The following DAB1 variants were observed in gnomAD, a reference collection of about 807,000 sequenced individuals.
DAB1 encodes the protein DAB adaptor protein 1.
DAB1 carries 15 observed loss-of-function variants against 64.6 expected under a neutral mutation model. That is an observed-to-expected ratio of 0.23 (90% CI 0.16 to 0.36). The LOEUF is 0.36. Ranked by LOEUF, DAB1 falls within the 10% of genes least tolerant of loss-of-function variation. The pLI, the probability that DAB1 is intolerant of heterozygous loss-of-function variation, is 1.00. For synonymous variants in DAB1, 235 were observed against 251.9 expected, an observed-to-expected ratio of 0.93 and a Z score of 0.64; for missense variants, 596 against 706.7, an observed-to-expected ratio of 0.84 and a Z score of 1.78.
At chr1:57,627,895 A>T (rs1474565780) in intron 7 of DAB1, among the ~76,000 whole-genome samples, 2 of 151,054 alleles carry the variant, frequency 1.3e-5, no homozygotes, top group East Asian at 3.9e-4. Context: ...TCCTTCCAAG[A>T]TCCTTGGAGT....
intron 8 of DAB1, among the ~76,000 whole-genome samples, chr1:57,068,664 CA>C (rs1350964915): frequency 1.3e-5 from 2 of 152,124 alleles, no homozygotes; most frequent in Non-Finnish European, 1.5e-5. Flanking sequence ...TGCTATACGG[CA>C]GTTACACAGA....
At chr1:57,206,729 G>A (rs1365684275) in intron 2 of DAB1, among the ~76,000 whole-genome samples, 1 of 152,138 alleles carries the variant, frequency 6.6e-6, no homozygotes, top group Non-Finnish European at 1.5e-5. Flanking sequence ...CTAGAACTGA[G>A]TCCTAAGCAA....
chr1:57,273,521 G>T (rs1671179672), intron 2 of DAB1, among the ~76,000 whole-genome samples: 1 of 98,098 alleles, frequency 1.0e-5, no homozygotes, highest in Non-Finnish European at 2.0e-5. Flanking sequence ...CACCAAGCCT[G>T]ACTGCCTGCC....
intron 5 of DAB1, among the ~76,000 whole-genome samples, chr1:57,954,705 T>C (rs1223134466): frequency 6.6e-6 from 1 of 152,218 alleles, no homozygotes; most frequent in African/African-American, 2.4e-5. Flanking sequence ...CTAGTGGAGA[T>C]GGAGTTCAGG....
intron 4 of DAB1, among the ~76,000 whole-genome samples, chr1:58,342,168 G>A (rs967967965): frequency 6.6e-6 from 1 of 152,150 alleles, no homozygotes; most frequent in Non-Finnish European, 1.5e-5. Context: ...CCACTGTTTT[G>A]GAATGTCTAG....
At chr1:57,097,542 A>G (rs918855799) in intron 4 of DAB1, among the ~76,000 whole-genome samples, 61 of 152,244 alleles carry the variant, frequency 4.0e-4, no homozygotes, top group African/African-American at 1.4e-3. Context: ...GGAAATATGG[A>G]GGACTATGGT....
intron 10 of DAB1, among the ~76,000 whole-genome samples, chr1:57,025,356 T>G (rs1345697863): frequency 6.6e-6 from 1 of 152,204 alleles, no homozygotes; most frequent in Non-Finnish European, 1.5e-5. Flanking sequence ...TGAGGTACAC[T>G]GGCTGAAGCT....
chr1:57,366,051 G>A (rs770540110), intron 1 of DAB1, among the ~76,000 whole-genome samples: 4 of 152,120 alleles, frequency 2.6e-5, no homozygotes, highest in Admixed American at 1.3e-4. Flanking sequence ...ATTGGTGGTC[G>A]GAATACAATT....
chr1:57,331,405 G>C (rs1006269979), intron 1 of DAB1, among the ~76,000 whole-genome samples: 1 of 152,182 alleles, frequency 6.6e-6, no homozygotes, highest in African/African-American at 2.4e-5. Flanking sequence ...AGATTCTCTA[G>C]CCTCTGCCCA....
intron 1 of DAB1, among the ~76,000 whole-genome samples, chr1:57,318,592 C>G (rs1337784313): frequency 1.3e-5 from 2 of 152,032 alleles, no homozygotes; most frequent in African/African-American, 4.8e-5. Flanking sequence ...CCTTTGCCTC[C>G]CAAGGGAGAT....
intron 6 of DAB1, among the ~76,000 whole-genome samples, chr1:57,815,298 G>A (rs1221150713): frequency 1.3e-5 from 2 of 152,038 alleles, no homozygotes; most frequent in Admixed American, 6.6e-5. Flanking sequence ...TCGATCTCCT[G>A]ACCTCGTGAT....
At chr1:57,926,943 C>T (rs1224115013) in intron 5 of DAB1, among the ~76,000 whole-genome samples, 1 of 152,168 alleles carries the variant, frequency 6.6e-6, no homozygotes, top group Non-Finnish European at 1.5e-5. Context: ...TCTAAATCCC[C>T]TATAAGACAT....
intron 4 of DAB1, among the ~76,000 whole-genome samples, chr1:57,095,306 T>G (rs1654057812): frequency 6.6e-6 from 1 of 152,198 alleles, no homozygotes; most frequent in Non-Finnish European, 1.5e-5. Flanking sequence ...TTTGCCTTTG[T>G]TCACCTGAAG....
At chr1:57,789,882 A>G (rs1005628348) in intron 6 of DAB1, among the ~76,000 whole-genome samples, 7 of 152,184 alleles carry the variant, frequency 4.6e-5, no homozygotes, top group Non-Finnish European at 7.3e-5. Flanking sequence ...AGGATTCTCA[A>G]CAAGAAGTTT....
rs1662038102 is a variant in DAB1 at position 57,173,945 on chromosome 1, T to TA, written c.68-28517_68-28516insT. On this transcript the variant is annotated intron_variant, in intron 2 of 14. Coordinates refer to ENST00000371236, the MANE Select transcript of DAB1 (RefSeq NM_001365792.1). ...TAAATATCTAATTTATCTTTTATAT[T>TA]TAAAATGAACAAGGTATGATCACTG... 3.3e-5 allele frequency among the ~76,000 whole-genome samples: 5 copies of TA among 152,176 alleles called. No individual in the cohort carries two copies. The South Asian group carries it at 1.0e-3, about 32-fold the overall frequency.
chr1:57,364,357 T>C (rs1679795311), intron 1 of DAB1, among the ~76,000 whole-genome samples: 1 of 152,036 alleles, frequency 6.6e-6, no homozygotes, highest in Admixed American at 6.6e-5. Flanking sequence ...AACAAAACAC[T>C]GTCAGACATG....
At chr1:57,635,043 G>A (rs1178002616) in intron 7 of DAB1, among the ~76,000 whole-genome samples, 1 of 152,156 alleles carries the variant, frequency 6.6e-6, no homozygotes, top group Admixed American at 6.5e-5. Flanking sequence ...AGCATGTTAG[G>A]AGTATTCATG....
At chr1:58,415,526 C>T (rs1337450717) in intron 3 of DAB1, 1 of 228,806 alleles carries the variant, frequency 4.4e-6, no homozygotes, top group African/African-American at 2.3e-5. Flanking sequence ...ACACAGAAAT[C>T]ACACCTCACT....
At chr1:57,182,107 G>A (rs7549359) in intron 2 of DAB1, among the ~76,000 whole-genome samples, 9,702 of 152,044 alleles carry the variant, frequency 0.064, 842 homozygotes, top group African/African-American at 0.19. Context: ...GGATAGTCTC[G>A]ATCTCCTGAC....
Sources: allele counts gnomAD v4.1 joint callset (sites outside exome capture counted in the v4.1 genomes callset), GRCh38; gene constraint gnomAD v4.1.1; transcripts MANE v1.5; gene names NCBI Gene and HGNC (gene_info 2026-07-23, HGNC 2026-07-21).